MYT1L: variants seen among roughly 807,000 people sequenced by gnomAD.
The protein encoded by MYT1L is myelin transcription factor 1 like.
MYT1L carries 12 observed loss-of-function variants against 126.7 expected under a neutral mutation model. That is an observed-to-expected ratio of 0.09 (90% CI 0.06 to 0.15). MYT1L has a LOEUF of 0.15. MYT1L is among the 10% of genes least tolerant of loss of function. The pLI is 1.00. For missense variants in MYT1L, 979 were observed against 1,585.2 expected, an observed-to-expected ratio of 0.62 and a Z score of 6.49; for synonymous variants, 541 against 604.2, an observed-to-expected ratio of 0.90 and a Z score of 1.53.
At chr2:2,242,839 C>G (rs116575148) in intron 2 of MYT1L, among the ~76,000 whole-genome samples, 1,824 of 152,276 alleles carry the variant, frequency 0.012, 28 homozygotes, top group African/African-American at 0.042. Context: ...GAAGTACATT[C>G]CTCTGCACAA....
chr2:1,818,564 C>T lies in MYT1L; in HGVS notation c.3081-9397G>A, dbSNP rs149053401. Among the ~76,000 whole-genome samples, 227 of 152,246 alleles carry T rather than the reference C, an allele frequency of 1.5e-3. 1 individual carries two copies. Among genetic ancestry groups the T allele is most frequent in the African/African-American group, 5.0e-3 (207 of 41,544 alleles). ...CTTGTCACTGATTGACTCATGATGA[C>T]GGAGCATCTCCTCAATAAGCAAACA... is the stretch of plus-strand genomic sequence containing the variant. On this transcript the variant is annotated intron_variant, in intron 21 of 24. Transcript: ENST00000647738.
Position 2,139,692 on chromosome 2 carries a change from C to T in MYT1L, c.-304+33180G>A, listed in dbSNP as rs548380380. On this transcript the variant is annotated intron_variant, in intron 3 of 24. Transcript: ENST00000647738. Reference sequence around the variant, plus strand: ...TATAAAAAAGTGCATGTCCAGGCACCGGGAGACGTCCGCACTGCACAAGAG... The same window carrying T: ...TATAAAAAAGTGCATGTCCAGGCACTGGGAGACGTCCGCACTGCACAAGAG... Among the ~76,000 whole-genome samples the T allele has an allele frequency of 1.9e-3, 285 of 151,820 alleles. 2 individuals are homozygous for T. Among genetic ancestry groups the T allele is most frequent in the African/African-American group, 6.5e-3 (269 of 41,430 alleles).
intron 2 of MYT1L, among the ~76,000 whole-genome samples, chr2:2,204,018 C>T (rs1310183532): frequency 1.3e-5 from 2 of 152,152 alleles, no homozygotes; most frequent in South Asian, 2.1e-4. Flanking sequence ...GGAAGGCATT[C>T]CCTATTTAAT....
intron 2 of MYT1L, among the ~76,000 whole-genome samples, chr2:2,243,823 C>A (rs887459827): frequency 5.3e-5 from 8 of 152,166 alleles, no homozygotes; most frequent in African/African-American, 1.9e-4. Context: ...TGACACATTT[C>A]AGTATATGAA....
intron 3 of MYT1L, among the ~76,000 whole-genome samples, chr2:2,139,701 T>C (rs1351237639): frequency 6.6e-6 from 1 of 152,030 alleles, no homozygotes; most frequent in East Asian, 1.9e-4. Flanking sequence ...CCGGGAGACG[T>C]CCGCACTGCA....
intron 8 of MYT1L, among the ~76,000 whole-genome samples, chr2:1,963,236 A>T (rs575564562): frequency 3.9e-5 from 6 of 152,192 alleles, no homozygotes; most frequent in South Asian, 2.1e-4. Flanking sequence ...ATGAAAGAAA[A>T]TTTTTTTTCC....
Position 2,319,779 on chromosome 2 carries a change from G to GCACA in MYT1L, c.-521+11184_-521+11187dup, listed in dbSNP as rs1178992398. Among the ~76,000 whole-genome samples the GCACA allele has an allele frequency of 7.5e-5, 11 of 146,712 alleles. No individual in the cohort carries two copies. In the East Asian group the frequency reaches 1.6e-3, roughly 22 times the overall value. On this transcript the variant is annotated intron_variant, in intron 1 of 24. Transcript: ENST00000647738. Reference sequence around the variant, plus strand: ...TATGCATATATATATATATATATATGCACACACACACACACAAGTACACAC... The same window carrying GCACA: ...TATGCATATATATATATATATATATGCACACACACACACACACACAAGTACACAC...
chr2:2,259,556 G>A (rs1467812396), intron 2 of MYT1L, among the ~76,000 whole-genome samples: 1 of 151,924 alleles, frequency 6.6e-6, no homozygotes, highest in Admixed American at 6.6e-5. Context: ...TTTTAAAAGA[G>A]CTGAAAAAAA....
chr2:2,144,689 T>C (rs1177518078), intron 3 of MYT1L, among the ~76,000 whole-genome samples: 1 of 152,156 alleles, frequency 6.6e-6, no homozygotes, highest in East Asian at 1.9e-4. Flanking sequence ...GGACATGCCC[T>C]GGGTAGATAC....
At chr2:2,253,794 C>T (rs2094727457) in intron 2 of MYT1L, among the ~76,000 whole-genome samples, 1 of 151,436 alleles carries the variant, frequency 6.6e-6, no homozygotes, top group Non-Finnish European at 1.5e-5. Flanking sequence ...GAGGGCAAGT[C>T]GGAAACAGGA....
At chr2:1,954,236 G>A (rs2058133246) in intron 8 of MYT1L, among the ~76,000 whole-genome samples, 1 of 152,182 alleles carries the variant, frequency 6.6e-6, no homozygotes, top group Non-Finnish European at 1.5e-5. Context: ...AAGTCACCGT[G>A]AGTCAGAAAA....
At chr2:1,873,705 C>G (rs1343194021) in intron 18 of MYT1L, among the ~76,000 whole-genome samples, 1 of 152,208 alleles carries the variant, frequency 6.6e-6, no homozygotes, top group Non-Finnish European at 1.5e-5. Context: ...GCTCAGAGAG[C>G]TCTGACCCTC....
chr2:1,986,160 C>T (rs1156989282), intron 5 of MYT1L, among the ~76,000 whole-genome samples: 1 of 152,216 alleles, frequency 6.6e-6, no homozygotes. Flanking sequence ...TGTACTAATG[C>T]ATCTCTTGGT....
chr2:2,222,655 G>A (rs2093910674), intron 2 of MYT1L, among the ~76,000 whole-genome samples: 1 of 151,960 alleles, frequency 6.6e-6, no homozygotes, highest in Admixed American at 6.6e-5. Flanking sequence ...TCCTAAAGAG[G>A]GCTAAGATGT....
chr2:2,092,309 G>GGA (rs2150392435), intron 3 of MYT1L, among the ~76,000 whole-genome samples: 1 of 151,916 alleles, frequency 6.6e-6, no homozygotes, highest in South Asian at 2.1e-4. Flanking sequence ...GTTTAGAAGG[G>GGA]GGAGATAGAA....
At chr2:2,195,505 G>A (rs999201073) in intron 2 of MYT1L, among the ~76,000 whole-genome samples, 2 of 152,110 alleles carry the variant, frequency 1.3e-5, no homozygotes, top group Admixed American at 1.3e-4. Flanking sequence ...TGAGAGTAAG[G>A]CTACAATCTT....
At chr2:2,311,885 C>G (rs903534902) in intron 1 of MYT1L, among the ~76,000 whole-genome samples, 2 of 152,230 alleles carry the variant, frequency 1.3e-5, no homozygotes, top group South Asian at 2.1e-4. Flanking sequence ...TATGCACAAA[C>G]AGTTTGGGAT....
rs17039438 is a variant in MYT1L at position 2,246,109 on chromosome 2, C to G, written c.-421+38295G>C. On this transcript the variant is annotated intron_variant, in intron 2 of 24. Transcript: ENST00000647738. ...TGCCAATAGGAAACTAATACAGGCTCGCTGACTGCCCTAGTTCAGCCTCCT... is the reference window on the plus strand; with the variant it reads ...TGCCAATAGGAAACTAATACAGGCTGGCTGACTGCCCTAGTTCAGCCTCCT... Among the ~76,000 whole-genome samples the G allele has an allele frequency of 2.6e-5, 4 of 152,274 alleles. No individual in the cohort carries two copies. The East Asian group carries it at 7.7e-4, about 29-fold the overall frequency.
At chr2:1,826,366 G>A (rs2039335137) in intron 21 of MYT1L, among the ~76,000 whole-genome samples, 1 of 152,180 alleles carries the variant, frequency 6.6e-6, no homozygotes, top group African/African-American at 2.4e-5. Flanking sequence ...CCTGGGGAGG[G>A]CTGGGGGGCG....
Sources: gnomAD v4.1 joint callset for allele counts (sites outside exome capture counted in the v4.1 genomes callset) on GRCh38, gnomAD v4.1.1 for gene constraint, MANE v1.5 for transcripts, NCBI Gene and HGNC (gene_info 2026-07-23, HGNC 2026-07-21) for gene names.